KCNQ4: variants seen among roughly 807,000 people sequenced by gnomAD.
KCNQ4 encodes potassium voltage-gated channel subfamily KQT member 4.
Under a neutral mutation model 72.6 loss-of-function variants are expected in KCNQ4, and 31 were observed. That is an observed-to-expected ratio of 0.43 (90% CI 0.32 to 0.58). The LOEUF is 0.58. KCNQ4 is among the 20% of genes least tolerant of loss of function. The probability of loss-of-function intolerance (pLI) is 0.08; values close to 1 mark genes in which losing one functional copy is unlikely to be tolerated. For missense variants in KCNQ4, 869 were observed against 962.6 expected (o/e 0.90, Z 1.29); for synonymous variants, 405 against 403.7 (o/e 1.00, Z -0.04).
At chr1:40,807,163 G>A (rs901145480) in intron 1 of KCNQ4, among the ~76,000 whole-genome samples, 4 of 152,192 alleles carry the variant, frequency 2.6e-5, no homozygotes, top group Admixed American at 2.0e-4. Context: ...CATCCTCCAA[G>A]AGGGGGCATT....
rs1357025954 is a variant in KCNQ4 at position 40,788,025 on chromosome 1, G to A, written c.314+3618G>A. 1.7e-4 allele frequency among the ~76,000 whole-genome samples: 26 copies of A among 152,244 alleles called. No individual in the cohort carries two copies. ...TAAACATCCTCCCTCAGCCTTGTCC[G>A]TGGGGTCAGAAGCTGTGGGAATGGG... is the stretch of plus-strand genomic sequence containing the variant. On this transcript the variant is annotated intron_variant, in intron 1 of 13. Coordinates refer to ENST00000347132, the MANE Select transcript of KCNQ4 (RefSeq NM_004700.4). This position sits in a 1 kb window ranked among gnomAD's most constrained non-coding sequence, Gnocchi z 4.5.
intron 1 of KCNQ4, among the ~76,000 whole-genome samples, chr1:40,804,310 C>T (rs938086214): frequency 2.0e-5 from 3 of 152,124 alleles, no homozygotes; most frequent in Admixed American, 6.5e-5. Context: ...GAGGAGAAAT[C>T]CAAAGAACAT....
chr1:40,835,187 C>G (rs997106933), intron 12 of KCNQ4, 89 bp downstream of exon 12: 1 of 1,505,760 alleles, frequency 6.6e-7, no homozygotes, highest in Non-Finnish European at 9.0e-7. Context: ...CCGAGCACCC[C>G]CAAGGGCTCA....
In KCNQ4 at chr1:40,788,733, G is replaced by A. The variant is rs770661975; in HGVS notation, c.314+4326G>A. ...ATCTGTCCGTCCATCCCAGCACCCC[G>A]CACACAGTCAGCAGGGGGTGGGCAG... On this transcript the variant is annotated intron_variant, in intron 1 of 13. Transcript: ENST00000347132. This position sits in a 1 kb window ranked among gnomAD's most constrained non-coding sequence, Gnocchi z 4.5. Among the ~76,000 whole-genome samples, 9 of 152,112 alleles carry A rather than the reference G, an allele frequency of 5.9e-5. No homozygotes were observed. Among genetic ancestry groups the A allele is most frequent in the Non-Finnish European group, 7.4e-5 (5 of 68,026 alleles).
chr1:40,807,222 CAGCCTCAGGGA>C (rs1647792028), intron 1 of KCNQ4, among the ~76,000 whole-genome samples: 1 of 152,142 alleles, frequency 6.6e-6, no homozygotes, highest in South Asian at 2.1e-4. Flanking sequence ...CCTCCAGGGA[CAGCCTCAGGGA>C]AACTCAGCTG....
At position 40,784,712 on chromosome 1, in the gene KCNQ4, C is replaced by T. The variant is rs1230854321; in HGVS notation, c.314+305C>T. Reference sequence around the variant, plus strand: ...GTACTCCCGACCGCCAGCTGCCTCCCCCAAGTCCGCTTGGCGAAGTCTGGG... The same window carrying T: ...GTACTCCCGACCGCCAGCTGCCTCCTCCAAGTCCGCTTGGCGAAGTCTGGG... On this transcript the variant is annotated intron_variant, in intron 1 of 13. Transcript: ENST00000347132. The surrounding 1 kb of genome is among the most constrained non-coding windows in gnomAD (Gnocchi z 4.1). Among the ~76,000 whole-genome samples, 1 of 152,220 alleles carries T rather than the reference C, an allele frequency of 6.6e-6. No individual in the cohort carries two copies. Among genetic ancestry groups the T allele is most frequent in the Non-Finnish European group, 1.5e-5 (1 of 68,026 alleles).
intron 1 of KCNQ4, among the ~76,000 whole-genome samples, chr1:40,792,101 C>T (rs2148296631): frequency 6.6e-6 from 1 of 152,196 alleles, no homozygotes; most frequent in Non-Finnish European, 1.5e-5. Context: ...GTGGGAGGGT[C>T]ACAGGCTGCT....
chr1:40,798,674 C>T (rs1647483706), intron 1 of KCNQ4, among the ~76,000 whole-genome samples: 1 of 152,224 alleles, frequency 6.6e-6, no homozygotes, highest in Non-Finnish European at 1.5e-5. Context: ...AGCCTGCGCT[C>T]TCAGCGAAAA....
At chr1:40,815,347 G>A (rs1025226650) in intron 1 of KCNQ4, among the ~76,000 whole-genome samples, 2 of 152,100 alleles carry the variant, frequency 1.3e-5, no homozygotes, top group Non-Finnish European at 2.9e-5. Context: ...GCTGAGAAAC[G>A]GGACTGGAGG....
Position 40,819,232 on chromosome 1 carries a change from G to C in KCNQ4, c.709-115G>C, listed in dbSNP as rs554976259. ...TGATGGGAGGAGCTGAGAAAGAAAAGCGAGCCTGGGACTCCGGGAGATGGG... is the reference window on the plus strand; with the variant it reads ...TGATGGGAGGAGCTGAGAAAGAAAACCGAGCCTGGGACTCCGGGAGATGGG... On this transcript the variant is annotated intron_variant, in intron 4 of 13. Coordinates refer to ENST00000347132, the MANE Select transcript of KCNQ4 (RefSeq NM_004700.4). 4.5e-4 allele frequency: 589 copies of C among 1,306,064 alleles called. 1 individual carries two copies. Among genetic ancestry groups the C allele is most frequent in the Non-Finnish European group, 5.9e-4 (548 of 929,102 alleles). The allele number at this position is 1,306,064 out of a possible 1,614,324, so 80.9% of individuals were successfully genotyped here.
intron 11 of KCNQ4, among the ~76,000 whole-genome samples, chr1:40,833,422 T>C (rs1648716455): frequency 6.6e-6 from 1 of 151,914 alleles, no homozygotes; most frequent in African/African-American, 2.4e-5. Flanking sequence ...AAAAAAAATG[T>C]ATTTTTTATG....
intron 1 of KCNQ4, among the ~76,000 whole-genome samples, chr1:40,785,382 A>T (rs979686511): frequency 2.6e-5 from 4 of 152,004 alleles, no homozygotes; most frequent in Admixed American, 2.0e-4. Flanking sequence ...CCAGAGAGAG[A>T]CCTCTGGTCC....
At chr1:40,816,901 A>G (rs186177437) in intron 1 of KCNQ4, among the ~76,000 whole-genome samples, 162 of 152,012 alleles carry the variant, frequency 1.1e-3, no homozygotes, top group Admixed American at 2.4e-3. Flanking sequence ...TTCTCCCAAG[A>G]CATCTTAAAA....
In KCNQ4 at chr1:40,838,209, G is replaced by A; in HGVS notation, c.1876-102G>A. On this transcript the variant is annotated intron_variant, in intron 13 of 13. Coordinates refer to ENST00000347132, the MANE Select transcript of KCNQ4 (RefSeq NM_004700.4). ...GATTTGTGCTTCCCAGATAAGCCCC[G>A]CCCACTCCACCGGCTAGGGTCCGCC... 5.0e-6 allele frequency: 5 copies of A among 991,000 alleles called. No individual in the cohort carries two copies. In the South Asian group the frequency reaches 5.2e-5, roughly 10 times the overall value. The allele number at this position is 991,000 out of a possible 1,614,324, so 61.4% of individuals were successfully genotyped here.
chr1:40,802,494 T>C (rs1647611770), intron 1 of KCNQ4, among the ~76,000 whole-genome samples: 1 of 151,432 alleles, frequency 6.6e-6, no homozygotes, highest in African/African-American at 2.4e-5. Flanking sequence ...GCCCCGCCCC[T>C]CCCAGGGACG....
chr1:40,838,168 C>G, intron 13 of KCNQ4, 143 bp from the exon 14 acceptor site: 1 of 772,592 alleles, frequency 1.3e-6, no homozygotes. Flanking sequence ...TAGCCAAGCT[C>G]CACCTTTCCA....
chr1:40,837,619 A>G (rs748072308), intron 12 of KCNQ4, 46 bp from the exon 13 acceptor site: 4 of 1,595,178 alleles, frequency 2.5e-6, no homozygotes, highest in East Asian at 2.2e-5. Context: ...TGTGGAAGGG[A>G]GGGACGGCGT....
chr1:40,819,623 A>C, intron 5 of KCNQ4, 151 bp downstream of exon 5: 1 of 1,044,472 alleles, frequency 9.6e-7, no homozygotes, highest in Non-Finnish European at 1.4e-6. Flanking sequence ...ACCAGCCCCA[A>C]TGCTAACCCC....
chr1:40,835,097 C>T lies in KCNQ4; in HGVS notation c.1744C>T (p.Arg582Trp), dbSNP rs1470631042. The T allele has an allele frequency of 1.5e-5, 25 of 1,613,164 alleles. No homozygotes were observed. The highest frequency in any genetic ancestry group is 2.0e-5 in the Non-Finnish European group (23 of 1,179,462). Reference sequence around the variant, plus strand: ...GGGCCGGATCAAGAGCCTGCAAACTCGGTGGGTGCACCGGGCCTGTTGGGA... The same window carrying T: ...GGGCCGGATCAAGAGCCTGCAAACTTGGTGGGTGCACCGGGCCTGTTGGGA... ...MLGRIKSLQT[R>W]VDQIVGRGPG... Residue 582 changes from arginine to tryptophan, a missense_variant and splice_region_variant, in exon 12 of 14, where the codon CGG becomes TGG. This residue lies in a region of KCNQ4 where 480 missense variants were observed against 501.9 expected (regional missense o/e 0.96). Transcript: ENST00000347132.
Sources: gnomAD v4.1 joint callset for allele counts (sites outside exome capture counted in the v4.1 genomes callset) on GRCh38, gnomAD v4.1.1 for gene constraint, gnomAD v4.1.1 regional missense constraint, Gnocchi (gnomAD v3.1) non-coding constraint, MANE v1.5 for transcripts, NCBI Gene and HGNC (gene_info 2026-07-23, HGNC 2026-07-21) for gene names.